The following BMPER variants were observed in gnomAD, a reference collection of about 807,000 sequenced individuals.
BMPER encodes BMP-binding endothelial regulator protein.
A neutral mutation model predicts 87.3 loss-of-function variants in BMPER; 45 were observed. The ratio of observed to expected loss-of-function variants is 0.52; its 90% confidence interval spans 0.41 to 0.66. The LOEUF is 0.66. Ranked by LOEUF, BMPER falls within the 30% of genes least tolerant of loss-of-function variation. The pLI is 0.00. For synonymous variants in BMPER, 326 were observed against 316.2 expected (o/e 1.03, Z -0.33); for missense variants, 784 against 867.5 (o/e 0.90, Z 1.21).
chr7:34,119,000 TCTCTCTCTCTCTCTCA>T (rs1562755676), intron 13 of BMPER, among the ~76,000 whole-genome samples: 15 of 62,448 alleles, frequency 2.4e-4, no homozygotes, highest in African/African-American at 8.9e-4. Context: ...TCTCACTGTC[TCTCTCTCTCTCTCTCA>T]CACACACACA....
At chr7:34,000,890 G>A (rs576552492) in intron 6 of BMPER, among the ~76,000 whole-genome samples, 2 of 151,988 alleles carry the variant, frequency 1.3e-5, no homozygotes, top group East Asian at 3.9e-4. Context: ...TGAGTATTTT[G>A]AACATGAATA....
chr7:34,020,104 T>G (rs549748472), intron 6 of BMPER, among the ~76,000 whole-genome samples: 1 of 151,688 alleles, frequency 6.6e-6, no homozygotes, highest in Non-Finnish European at 1.5e-5. Flanking sequence ...AGAAAGTGAT[T>G]TAGAATGAAT....
intron 13 of BMPER, among the ~76,000 whole-genome samples, chr7:34,131,065 G>A (rs537978791): frequency 1.5e-4 from 23 of 152,244 alleles, no homozygotes; most frequent in Admixed American, 1.0e-3. Flanking sequence ...CCAACTCTCA[G>A]GGGCTCATCT....
intron 3 of BMPER, among the ~76,000 whole-genome samples, chr7:33,938,452 G>T (rs1305266049): frequency 6.6e-6 from 1 of 152,190 alleles, no homozygotes; most frequent in Non-Finnish European, 1.5e-5. Flanking sequence ...GACAGAGACA[G>T]ACAGAGACAC....
rs1181662469 is a variant in BMPER, at chr7:33,955,032, G to A, written c.320-11447G>A. On this transcript the variant is annotated intron_variant, in intron 3 of 14. Transcript: ENST00000649409. ...CCTGCCTCAGCCTCCTGAGTAGCTG[G>A]GATTACAGGTGCCTGCCACCACACC... Among the ~76,000 whole-genome samples, 4 of 152,104 alleles carry A rather than the reference G, an allele frequency of 2.6e-5. No individual in the cohort carries two copies. The East Asian group carries it at 7.7e-4, about 29-fold the overall frequency.
chr7:33,939,339 T>C (rs1585657127), intron 3 of BMPER, among the ~76,000 whole-genome samples: 1 of 152,036 alleles, frequency 6.6e-6, no homozygotes, highest in Non-Finnish European at 1.5e-5. Context: ...TCCTGAACAT[T>C]CTTTTTGGGC....
At chr7:34,113,875 T>C (rs1444216545) in intron 13 of BMPER, among the ~76,000 whole-genome samples, 1 of 152,164 alleles carries the variant, frequency 6.6e-6, no homozygotes, top group African/African-American at 2.4e-5. Flanking sequence ...TCTACTGCCA[T>C]GGTAGTCTGA....
chr7:34,026,596 G>T (rs944138969), intron 6 of BMPER, among the ~76,000 whole-genome samples: 1 of 151,968 alleles, frequency 6.6e-6, no homozygotes, highest in Non-Finnish European at 1.5e-5. Flanking sequence ...GGCTTCTCAG[G>T]GCCATCAGAT....
chr7:34,148,708 T>G (rs1791092884), intron 14 of BMPER, among the ~76,000 whole-genome samples: 1 of 152,136 alleles, frequency 6.6e-6, no homozygotes, highest in South Asian at 2.1e-4. Context: ...GTAAGATGCC[T>G]TAGAAGAAGT....
rs55748957 is a variant in BMPER at position 34,082,328 on chromosome 7, G to GTTTTTT, written c.1408+3156_1408+3161dup. On this transcript the variant is annotated intron_variant, in intron 12 of 14. Transcript: ENST00000649409. ...CAATTCCCTCAATTACAACTTATTA[G>GTTTTTT]TTTTTTTTTTTTTTTTTTTGGTCTT... Among the ~76,000 whole-genome samples, 94 of 116,380 alleles carry GTTTTTT rather than the reference G, an allele frequency of 8.1e-4. 4 individuals are homozygous for GTTTTTT. Among genetic ancestry groups the GTTTTTT allele is most frequent in the Middle Eastern group, 0.012 (2 of 172 alleles). 76.3% of individuals were successfully genotyped at this position (116,380 alleles called of 152,430 possible).
chr7:33,905,171 TGCGGCA>T (rs1244867528), upstream of BMPER: 63 of 264,792 alleles, frequency 2.4e-4, no homozygotes, highest in Non-Finnish European at 1.0e-4. Flanking sequence ...TGGAGGACGC[TGCGGCA>T]GCGACAGCGA....
intron 11 of BMPER, chr7:34,067,446 C>T (rs1022395370): frequency 1.3e-5 from 2 of 152,008 alleles, no homozygotes; most frequent in Admixed American, 6.6e-5. Context: ...TGAGAAATCT[C>T]CACTGACAGA....
intron 6 of BMPER, among the ~76,000 whole-genome samples, chr7:34,041,696 A>G (rs1047149168): frequency 3.3e-5 from 5 of 152,030 alleles, no homozygotes; most frequent in African/African-American, 1.2e-4. Flanking sequence ...AATCCTTTGC[A>G]CTAAAGACGT....
At chr7:34,144,614 A>G (rs941858198) in intron 14 of BMPER, among the ~76,000 whole-genome samples, 2 of 152,002 alleles carry the variant, frequency 1.3e-5, no homozygotes, top group South Asian at 2.1e-4. Context: ...CAATTTTACA[A>G]TAATACCTGC....
At chr7:34,045,530 G>A (rs1787938559) in intron 6 of BMPER, among the ~76,000 whole-genome samples, 1 of 152,070 alleles carries the variant, frequency 6.6e-6, no homozygotes, top group African/African-American at 2.4e-5. Flanking sequence ...TGAGAATGAG[G>A]GGGCAGGGAA....
intron 4 of BMPER, 32 bp downstream of exon 4, chr7:33,966,593 A>G: frequency 1.3e-6 from 2 of 1,598,228 alleles, no homozygotes; most frequent in Non-Finnish European, 1.7e-6. Flanking sequence ...CTCCAGTAAA[A>G]AGGAATCCAT....
At chr7:34,050,889 C>T (rs1391102601) in intron 7 of BMPER, among the ~76,000 whole-genome samples, 2 of 152,176 alleles carry the variant, frequency 1.3e-5, no homozygotes, top group East Asian at 3.9e-4. Context: ...GGACACTCGA[C>T]ATGTACCTCT....
chr7:34,131,128 G>T (rs377700089), intron 13 of BMPER, among the ~76,000 whole-genome samples: 25 of 152,194 alleles, frequency 1.6e-4, no homozygotes, highest in Middle Eastern at 3.4e-3. Flanking sequence ...TGGAGGGGAA[G>T]GCCTGTGGTG....
At chr7:33,945,926 G>C (rs1253113152) in intron 3 of BMPER, among the ~76,000 whole-genome samples, 4 of 152,074 alleles carry the variant, frequency 2.6e-5, no homozygotes, top group African/African-American at 9.7e-5. Context: ...CTTCATTAAG[G>C]GGACACAGAG....
Sources: gnomAD v4.1 joint callset for allele counts (sites outside exome capture counted in the v4.1 genomes callset) on GRCh38, gnomAD v4.1.1 for gene constraint, MANE v1.5 for transcripts, NCBI Gene and HGNC (gene_info 2026-07-23, HGNC 2026-07-21) for gene names.